AKAP10: variants seen among roughly 807,000 people sequenced by gnomAD.
The protein encoded by AKAP10 is A-kinase anchor protein 10, mitochondrial.
AKAP10 carries 24 observed loss-of-function variants against 80.8 expected under a neutral mutation model. The observed-to-expected ratio is 0.30, with a 90% CI of 0.22 to 0.42. The LOEUF (loss-of-function observed/expected upper bound fraction) is 0.42. Among genes scored for constraint, AKAP10 ranks in the 10% least tolerant of loss-of-function variants. The pLI, the probability that AKAP10 is intolerant of heterozygous loss-of-function variation, is 1.00. For missense variants in AKAP10, 661 were observed against 794.9 expected (o/e 0.83, Z 2.03); for synonymous variants, 291 against 277.7 (o/e 1.05, Z -0.48).
rs920251209 is a variant in AKAP10, at chr17:19,931,914, G to C, written c.1532C>G (p.Ser511Trp). 6.2e-7 allele frequency: 1 copy of C among 1,613,916 alleles called. No individual in the cohort carries two copies. The highest frequency in any genetic ancestry group is 8.5e-7 in the Non-Finnish European group (1 of 1,180,002). The change falls in exon 10 of 15, where the codon TCG (serine) becomes TGG (tryptophan). Residue 511 changes from serine to tryptophan, a missense_variant. Ser to Trp is a radical substitution (Grantham distance 177). Transcript: ENST00000225737. ...GCCCAGAAATTCATCTCCTCGAACCGAATGGATGAGATCATTCAAATATTT... is the reference window on the plus strand; with the variant it reads ...GCCCAGAAATTCATCTCCTCGAACCCAATGGATGAGATCATTCAAATATTT... ...YYKYLNDLIH[S>W]VRGDEFLGGN...
At chr17:19,946,237 TTATATATATATATA>T (rs1171891537) in intron 5 of AKAP10, among the ~76,000 whole-genome samples, 3 of 15,172 alleles carry the variant, frequency 2.0e-4, no homozygotes, top group African/African-American at 9.5e-4. Context: ...TATATATATA[TTATATATATATATA>T]TATATATATA....
intron 4 of AKAP10, among the ~76,000 whole-genome samples, chr17:19,949,985 T>C (rs935542357): frequency 6.6e-6 from 1 of 151,630 alleles, no homozygotes; most frequent in Non-Finnish European, 1.5e-5. Context: ...CATAAAAAGA[T>C]ACAATCAAGA....
At chr17:19,937,739 CAG>C (rs544668246) in intron 8 of AKAP10, among the ~76,000 whole-genome samples, 33 of 152,130 alleles carry the variant, frequency 2.2e-4, no homozygotes, top group Non-Finnish European at 4.3e-4. Flanking sequence ...AAACACTGGA[CAG>C]AACATTAAGA....
At chr17:19,946,935 C>T (rs926293736) in intron 5 of AKAP10, among the ~76,000 whole-genome samples, 1 of 152,212 alleles carries the variant, frequency 6.6e-6, no homozygotes, top group Non-Finnish European at 1.5e-5. Flanking sequence ...GGAGAGGCCA[C>T]CACTGAGACA....
chr17:19,927,379 G>A (rs909765238), intron 10 of AKAP10, among the ~76,000 whole-genome samples: 16 of 151,878 alleles, frequency 1.1e-4, no homozygotes, highest in Non-Finnish European at 2.2e-4. Context: ...TTTTTTAAAA[G>A]GTAGAGGAAA....
chr17:19,919,619 G>A (rs1017628911), intron 12 of AKAP10, among the ~76,000 whole-genome samples: 3 of 151,872 alleles, frequency 2.0e-5, no homozygotes, highest in African/African-American at 7.3e-5. Context: ...AGGAAGCAGA[G>A]GTTGCAGTGA....
At chr17:19,974,416 T>C (rs1464093724) in intron 1 of AKAP10, among the ~76,000 whole-genome samples, 1 of 152,170 alleles carries the variant, frequency 6.6e-6, no homozygotes, top group South Asian at 2.1e-4. Context: ...TTTTAGCTCA[T>C]CTGCTATTGT....
At chr17:19,962,285 T>TACAC (rs1165294102) in intron 3 of AKAP10, among the ~76,000 whole-genome samples, 1 of 134,734 alleles carries the variant, frequency 7.4e-6, no homozygotes, top group East Asian at 2.1e-4. Flanking sequence ...CATACATACA[T>TACAC]ACATACATAT....
chr17:19,946,225 T>A lies in AKAP10; in HGVS notation c.976+1182A>T, dbSNP rs1237900690. The stretch of plus-strand genomic sequence containing the variant: ...ATATTTTATATATATATATATTTTA[T>A]ATATATATATATTATATATATATAT... On this transcript the variant is annotated intron_variant, in intron 5 of 14. Transcript: ENST00000225737. 2.3e-3 allele frequency among the ~76,000 whole-genome samples: 50 copies of A among 22,012 alleles called. 1 individual carries two copies. Among genetic ancestry groups the A allele is most frequent in the African/African-American group, 8.1e-3 (45 of 5,582 alleles). 14.4% of individuals were successfully genotyped at this position (22,012 alleles called of 152,430 possible). A position where few individuals can be genotyped will look rare whatever the true frequency, so the allele number is the denominator to read the frequency against.
At chr17:19,936,221 T>G in intron 9 of AKAP10, 65 bp downstream of exon 9, 1 of 1,535,436 alleles carries the variant, frequency 6.5e-7, no homozygotes, top group Non-Finnish European at 8.8e-7. Flanking sequence ...TTTTCCCACC[T>G]TATATTTTAT....
rs1555571843 is a variant in AKAP10 at position 19,905,030 on chromosome 17, A to ATAT, written c.*1196_*1197insATA. 1.6e-4 allele frequency: 23 copies of ATAT among 144,188 alleles called. No individual in the cohort carries two copies. Among genetic ancestry groups the ATAT allele is most frequent in the Admixed American group, 3.4e-4 (5 of 14,542 alleles). The allele number at this position is 144,188 out of a possible 1,614,324, so 8.9% of individuals were successfully genotyped here. ...TATATATTTATACATATATATATAT[A>ATAT]TTTTTTTTTTTGCAAAGTCTGAGCA... On this transcript the variant is annotated 3_prime_UTR_variant, in exon 15 of 15. Coordinates refer to ENST00000225737, the MANE Select transcript of AKAP10 (RefSeq NM_007202.4).
chr17:19,970,533 T>C (rs569669071), intron 1 of AKAP10, among the ~76,000 whole-genome samples: 1 of 152,250 alleles, frequency 6.6e-6, no homozygotes, highest in East Asian at 1.9e-4. Context: ...CTAAATTAGA[T>C]ATTTCCTGGC....
Position 19,941,924 on chromosome 17 carries a change from T to C in AKAP10, c.977-14A>G, listed in dbSNP as rs2043054721. ...CACAAATCCTTGCTGCAAAAGAAGT[T>C]GTAAATAATTAAATTGCCACTAAAT... On this transcript the variant is annotated splice_polypyrimidine_tract_variant and intron_variant, in intron 5 of 14. Transcript: ENST00000225737. 1.9e-6 allele frequency: 3 copies of C among 1,606,578 alleles called. No individual in the cohort carries two copies. Among genetic ancestry groups the C allele is most frequent in the Non-Finnish European group, 2.5e-6 (3 of 1,176,896 alleles).
chr17:19,913,760 T>C (rs1017872914), intron 12 of AKAP10, among the ~76,000 whole-genome samples: 1 of 152,186 alleles, frequency 6.6e-6, no homozygotes, highest in African/African-American at 2.4e-5. Flanking sequence ...TCTATGTCAG[T>C]GTGGCAAAGG....
intron 9 of AKAP10, among the ~76,000 whole-genome samples, chr17:19,932,903 T>C (rs2042952215): frequency 6.6e-6 from 1 of 152,216 alleles, no homozygotes; most frequent in South Asian, 2.1e-4. Context: ...TTATTATTTA[T>C]ATTTCTAATT....
chr17:19,920,139 G>T, intron 11 of AKAP10, 21 bp from the exon 12 acceptor site: 2 of 1,531,124 alleles, frequency 1.3e-6, no homozygotes, highest in Non-Finnish European at 1.8e-6. Flanking sequence ...ATGAACAGAA[G>T]ACTTTAACTT....
intron 12 of AKAP10, among the ~76,000 whole-genome samples, chr17:19,910,325 C>CAAAAAAAAAAAAAAAAAAA (rs3031068): frequency 3.3e-5 from 3 of 90,658 alleles, no homozygotes; most frequent in African/African-American, 1.2e-4. Flanking sequence ...GACTCCAACT[C>CAAAAAAAAAAAAAAAAAAA]AAAAAAAAAA....
chr17:19,917,464 A>T (rs1325141379), intron 12 of AKAP10, among the ~76,000 whole-genome samples: 1 of 152,064 alleles, frequency 6.6e-6, no homozygotes, highest in African/African-American at 2.4e-5. Flanking sequence ...AGTATTCCTT[A>T]AAAAAATTGT....
chr17:19,910,213 G>C (rs1019870282), intron 12 of AKAP10, among the ~76,000 whole-genome samples: 2 of 151,654 alleles, frequency 1.3e-5, no homozygotes, highest in Non-Finnish European at 2.9e-5. Context: ...TATAATCCCA[G>C]CTACTCAGGA....
Sources: gnomAD v4.1 joint callset for allele counts (sites outside exome capture counted in the v4.1 genomes callset) on GRCh38, gnomAD v4.1.1 for gene constraint, MANE v1.5 for transcripts, NCBI Gene and HGNC (gene_info 2026-07-23, HGNC 2026-07-21) for gene names.